ADD2: variants seen among roughly 807,000 people sequenced by gnomAD.
ADD2 encodes the protein adducin 2, also known as beta-adducin.
Under a neutral mutation model 83.0 loss-of-function variants are expected in ADD2, and 23 were observed. The ratio of observed to expected loss-of-function variants is 0.28; its 90% CI spans 0.20 to 0.39. The LOEUF (loss-of-function observed/expected upper bound fraction) is 0.39, where lower values mean the gene tolerates loss of function less well. Among genes scored for constraint, ADD2 ranks in the 10% least tolerant of loss-of-function variants. The probability of loss-of-function intolerance (pLI) is 1.00; values close to 1 mark genes in which losing one functional copy is unlikely to be tolerated. For missense variants in ADD2, 758 were observed against 944.9 expected (o/e 0.80, Z 2.59); for synonymous variants, 375 against 375.4 (o/e 1.00, Z 0.01).
At chr2:70,665,185 T>C (rs1354083269) in intron 15 of ADD2, among the ~76,000 whole-genome samples, 6 of 151,882 alleles carry the variant, frequency 4.0e-5, no homozygotes, top group Admixed American at 2.0e-4. Context: ...TTAACAGGGG[T>C]GAAGTCTGGG....
At chr2:70,679,707 A>T (rs1171728469) in intron 10 of ADD2, among the ~76,000 whole-genome samples, 1 of 151,176 alleles carries the variant, frequency 6.6e-6, no homozygotes, top group Non-Finnish European at 1.5e-5. Flanking sequence ...TAAAAAAAAT[A>T]AGGAAAAAAC....
intron 4 of ADD2, among the ~76,000 whole-genome samples, chr2:70,696,948 C>T (rs929546240): frequency 3.3e-5 from 5 of 152,000 alleles, no homozygotes; most frequent in Non-Finnish European, 5.9e-5. Context: ...ATCACAAGGT[C>T]GAGAGATCAA....
rs1553365210 is a variant in ADD2 at position 70,662,606 on chromosome 2, C to T, written c.*819G>A. On this transcript the variant is annotated 3_prime_UTR_variant, in exon 16 of 16. Coordinates refer to ENST00000264436, the MANE Select transcript of ADD2 (RefSeq NM_001617.4). ...AAAGCCAACAGAGGATTTCAACTTCCCCAAATTTCTGCCCTGAGCATTAAA... is the reference window on the plus strand; with the variant it reads ...AAAGCCAACAGAGGATTTCAACTTCTCCAAATTTCTGCCCTGAGCATTAAA... The T allele has an allele frequency of 6.6e-6, 1 of 152,170 alleles. No individual in the cohort carries two copies. The highest frequency in any genetic ancestry group is 1.5e-5 in the Non-Finnish European group (1 of 68,042). The allele number at this position is 152,170 out of a possible 1,614,324, so 9.4% of individuals were successfully genotyped here. A position where few individuals can be genotyped will look rare whatever the true frequency, so the allele number is the denominator to read the frequency against.
At chr2:70,705,946 A>G (rs1671863368) in intron 3 of ADD2, among the ~76,000 whole-genome samples, 1 of 152,130 alleles carries the variant, frequency 6.6e-6, no homozygotes, top group Non-Finnish European at 1.5e-5. Flanking sequence ...CTGGGAACTG[A>G]GGCTCCGAAG....
intron 1 of ADD2, among the ~76,000 whole-genome samples, chr2:70,766,950 A>G (rs1675415252): frequency 6.6e-6 from 1 of 151,900 alleles, no homozygotes; most frequent in Admixed American, 6.6e-5. Flanking sequence ...TTGCTTTTTT[A>G]TTTTCTATTT....
chr2:70,706,415 G>C lies in ADD2; in HGVS notation c.-7C>G. The C allele has an allele frequency of 6.2e-7, 1 of 1,600,006 alleles. No individual in the cohort carries two copies. The highest frequency in any genetic ancestry group is 8.5e-7 in the Non-Finnish European group (1 of 1,174,078). ...GGACCGTCTCTTCGCTCATTTTCCC[G>C]GTGGGTTTGCAATTCGCTCCTGGAA... On this transcript the variant is annotated 5_prime_UTR_variant, in exon 3 of 16. Transcript: ENST00000264436. The surrounding 1 kb of genome is among the most constrained non-coding windows in gnomAD (Gnocchi z 5.0).
intron 15 of ADD2, among the ~76,000 whole-genome samples, chr2:70,667,262 T>G (rs1669674494): frequency 6.6e-6 from 1 of 151,320 alleles, no homozygotes; most frequent in Non-Finnish European, 1.5e-5. Flanking sequence ...CCAAGGATGG[T>G]GACTGGAAAG....
chr2:70,734,188 T>C (rs1553379737), intron 1 of ADD2, among the ~76,000 whole-genome samples: 3 of 151,936 alleles, frequency 2.0e-5, no homozygotes, highest in African/African-American at 7.3e-5. Context: ...AACAGACACA[T>C]GGGGGAAAAA....
At chr2:70,736,080 A>T (rs1307677030) in intron 1 of ADD2, among the ~76,000 whole-genome samples, 1 of 152,058 alleles carries the variant, frequency 6.6e-6, no homozygotes, top group East Asian at 1.9e-4. Flanking sequence ...ACAACAGGGC[A>T]AGGGAAGAAG....
intron 2 of ADD2, among the ~76,000 whole-genome samples, chr2:70,708,602 C>G (rs1672022032): frequency 6.6e-6 from 1 of 152,182 alleles, no homozygotes; most frequent in African/African-American, 2.4e-5. Context: ...ACATCACAGG[C>G]CAAGTCCCAT....
In ADD2 at chr2:70,695,713, G is replaced by C; in HGVS notation, c.555+8C>G. On this transcript the variant is annotated splice_region_variant and intron_variant, in intron 6 of 15. Transcript: ENST00000264436. Reference sequence around the variant, plus strand: ...AAGGAGTGGGCAGTGATGCTGGACTGTACTCACCAGGCTGGACGCTGTGAC... The same window carrying C: ...AAGGAGTGGGCAGTGATGCTGGACTCTACTCACCAGGCTGGACGCTGTGAC... The C allele has an allele frequency of 6.2e-7, 1 of 1,613,216 alleles. No individual in the cohort carries two copies. Among genetic ancestry groups the C allele is most frequent in the Non-Finnish European group, 8.5e-7 (1 of 1,179,158 alleles).
chr2:70,701,561 G>A (rs1345560321), intron 4 of ADD2, among the ~76,000 whole-genome samples: 1 of 152,028 alleles, frequency 6.6e-6, no homozygotes, highest in East Asian at 1.9e-4. Context: ...TGAAATGAAG[G>A]AAGCAAAATG....
Position 70,706,185 on chromosome 2 carries a change from CG to C in ADD2, c.183+40del, listed in dbSNP as rs1553374353. The C allele has an allele frequency of 3.1e-6, 5 of 1,596,770 alleles. No individual in the cohort carries two copies. The highest frequency in any genetic ancestry group is 1.7e-5 in the Admixed American group (1 of 59,210). ...GTGGGTACACGTCCTGAAGAGCCAG[CG>C]CCCCCTGCGCCCTCTCCCGCCCGGG... is the stretch of plus-strand genomic sequence containing the variant. On this transcript the variant is annotated intron_variant, in intron 3 of 15. Transcript: ENST00000264436. This position sits in a 1 kb window ranked among gnomAD's most constrained non-coding sequence, Gnocchi z 5.0.
chr2:70,743,971 A>T (rs1674051945), intron 1 of ADD2, among the ~76,000 whole-genome samples: 1 of 152,192 alleles, frequency 6.6e-6, no homozygotes, highest in Non-Finnish European at 1.5e-5. Flanking sequence ...CTTATCTTCT[A>T]TGTGTCAGAC....
chr2:70,764,140 G>A (rs1254887353), intron 1 of ADD2, among the ~76,000 whole-genome samples: 1 of 151,524 alleles, frequency 6.6e-6, no homozygotes, highest in Non-Finnish European at 1.5e-5. Context: ...CACCTGCCTC[G>A]GCCTCCCAAA....
Position 70,724,769 on chromosome 2 carries a change from G to A in ADD2, c.-153-11585C>T, listed in dbSNP as rs1672903167. 2.6e-5 allele frequency among the ~76,000 whole-genome samples: 4 copies of A among 152,362 alleles called. No individual in the cohort carries two copies. The South Asian group carries it at 8.3e-4, about 32-fold the overall frequency. ...TACTAGGTGCCAGCCACTCAGTGGT[G>A]AGGGAGATGTGCTCTACATCCTACA... On this transcript the variant is annotated intron_variant, in intron 1 of 15. Coordinates refer to ENST00000264436, the MANE Select transcript of ADD2 (RefSeq NM_001617.4).
rs1553368982 is a variant in ADD2 at position 70,678,868 on chromosome 2, A to T, written c.1219T>A (p.Phe407Ile). The stretch of plus-strand genomic sequence containing the variant: ...GGGGCACCGTCCTCCTCAAACACGA[A>T]GGCTGTGACCGTGGCTGGAATCTCC... Reference protein sequence around the residue: ...EVEIPATVTAFVFEEDGAPVP... With the variant: ...EVEIPATVTAIVFEEDGAPVP... The change falls in exon 11 of 16, where the codon TTC (phenylalanine) becomes ATC (isoleucine). Residue 407 changes from phenylalanine (F) to isoleucine (I), a missense_variant. Physicochemically the swap from Phe to Ile is conservative, Grantham distance 21. Around this residue, in one of 5 missense-constraint regions of ADD2, gnomAD observed 394 missense variants for 509.3 expected, o/e 0.77. Transcript: ENST00000264436. 1 of 1,614,018 alleles carries T rather than the reference A, an allele frequency of 6.2e-7. No individual in the cohort carries two copies. The highest frequency in any genetic ancestry group is 8.5e-7 in the Non-Finnish European group (1 of 1,180,032).
intron 1 of ADD2, among the ~76,000 whole-genome samples, chr2:70,750,108 C>T (rs1020672886): frequency 1.3e-5 from 2 of 152,282 alleles, no homozygotes; most frequent in South Asian, 2.1e-4. Context: ...AGTACAGTGT[C>T]TCCCAAATTC....
chr2:70,753,435 A>C (rs987736642), intron 1 of ADD2, among the ~76,000 whole-genome samples: 1 of 152,080 alleles, frequency 6.6e-6, no homozygotes, highest in Non-Finnish European at 1.5e-5. Context: ...GGAAGGAAGA[A>C]AGAGGTTGAT....
Sources: allele counts gnomAD v4.1 joint callset (sites outside exome capture counted in the v4.1 genomes callset), GRCh38; gene constraint gnomAD v4.1.1; regional missense constraint gnomAD v4.1.1; non-coding constraint Gnocchi (gnomAD v3.1); transcripts MANE v1.5; gene names NCBI Gene and HGNC (gene_info 2026-07-23, HGNC 2026-07-21).